TGFA: variants seen among roughly 807,000 people sequenced by gnomAD.
The protein encoded by TGFA is protransforming growth factor alpha.
Under a neutral mutation model 21.7 loss-of-function variants are expected in TGFA, and 12 were observed. The observed-to-expected ratio is 0.55, with a 90% CI of 0.35 to 0.90. The LOEUF (loss-of-function observed/expected upper bound fraction) is 0.90. Among genes scored for constraint, TGFA ranks in the 40% least tolerant of loss-of-function variants. The probability of loss-of-function intolerance (pLI) is 0.01; values close to 1 mark genes in which losing one functional copy is unlikely to be tolerated. For missense variants in TGFA, 178 were observed against 210.8 expected (o/e 0.84, Z 0.96); for synonymous variants, 79 against 88.1 (o/e 0.90, Z 0.58).
intron 2 of TGFA, among the ~76,000 whole-genome samples, chr2:70,472,037 C>G (rs368772815): frequency 3.3e-5 from 5 of 152,240 alleles, no homozygotes; most frequent in East Asian, 3.9e-4. Context: ...TCTCCCTTCA[C>G]TCTCCCTTTC....
chr2:70,512,694 C>T (rs1233133525), intron 2 of TGFA, among the ~76,000 whole-genome samples: 1 of 152,206 alleles, frequency 6.6e-6, no homozygotes, highest in Non-Finnish European at 1.5e-5. Flanking sequence ...TAGGGAACCC[C>T]AAAAGGCCTA....
In TGFA at chr2:70,553,162, C is replaced by T. The variant is rs1382230478; in HGVS notation, c.40+566G>A. 4 of 1,535,370 alleles carry T rather than the reference C, an allele frequency of 2.6e-6. No individual in the cohort carries two copies. The African/African-American group carries it at 4.1e-5, about 16-fold the overall frequency. The stretch of plus-strand genomic sequence containing the variant: ...AAGTTAATTAAAGGAACCATTAATC[C>T]GCCCAAAAATCCAAAACCTACCCCC... On this transcript the variant is annotated intron_variant, in intron 1 of 5. Coordinates refer to ENST00000295400, the MANE Select transcript of TGFA (RefSeq NM_003236.4).
rs782095962 is a variant in TGFA, at chr2:70,453,239, C to A, written c.454G>T (p.Ala152Ser). Residue 152 changes from alanine to serine, a missense_variant, in exon 5 of 6, where the codon GCT becomes TCT. Transcript: ENST00000295400. ...TTACCTGTTTCTGAGTGGCAGCAAGCGGTTCTTCCCTTCAGGAGGGCGCTG... is the reference window on the plus strand; with the variant it reads ...TTACCTGTTTCTGAGTGGCAGCAAGAGGTTCTTCCCTTCAGGAGGGCGCTG... ...KPSALLKGRT[A>S]CCHSETVV 6.2e-7 allele frequency: 1 copy of A among 1,613,826 alleles called. No individual in the cohort carries two copies. Among genetic ancestry groups the A allele is most frequent in the East Asian group, 2.2e-5 (1 of 44,882 alleles).
At chr2:70,551,501 G>A (rs1673507996) in intron 1 of TGFA, among the ~76,000 whole-genome samples, 1 of 152,184 alleles carries the variant, frequency 6.6e-6, no homozygotes, top group African/African-American at 2.4e-5. Flanking sequence ...CTCGGGTAGC[G>A]ATGGAACACT....
At chr2:70,508,880 C>T (rs1003088569) in intron 2 of TGFA, among the ~76,000 whole-genome samples, 2 of 152,278 alleles carry the variant, frequency 1.3e-5, no homozygotes, top group East Asian at 1.9e-4. Context: ...GTCAGAATTA[C>T]GATTCTGGAC....
Position 70,513,768 on chromosome 2 carries a change from C to T in TGFA, c.94+1091G>A, listed in dbSNP as rs556800209. On this transcript the variant is annotated intron_variant, in intron 2 of 5. Transcript: ENST00000295400. ...AGAATTTATGAATAGGTAAGAAACC[C>T]GCCCCCTCCCACTGGAACCTCTCTG... 9.2e-5 allele frequency among the ~76,000 whole-genome samples: 14 copies of T among 152,230 alleles called. No individual in the cohort carries two copies. The South Asian group carries it at 1.7e-3, about 18-fold the overall frequency.
intron 2 of TGFA, among the ~76,000 whole-genome samples, chr2:70,486,725 G>T (rs986009876): frequency 1.2e-4 from 18 of 152,010 alleles, no homozygotes; most frequent in East Asian, 1.9e-4. Flanking sequence ...GCCCCCTAAA[G>T]TGCTGGAATT....
At chr2:70,553,646 C>G in intron 1 of TGFA, 82 bp downstream of exon 1, 1 of 1,309,078 alleles carries the variant, frequency 7.6e-7, no homozygotes. Context: ...GGCGCAGAAA[C>G]CCCCGGAAAG....
At chr2:70,496,341 C>T (rs568178262) in intron 2 of TGFA, among the ~76,000 whole-genome samples, 2 of 152,262 alleles carry the variant, frequency 1.3e-5, no homozygotes, top group African/African-American at 2.4e-5. Flanking sequence ...TACCAGAACC[C>T]TTTCTTGTTA....
intron 2 of TGFA, among the ~76,000 whole-genome samples, chr2:70,471,111 C>G (rs1259502444): frequency 1.4e-5 from 2 of 139,728 alleles, no homozygotes; most frequent in South Asian, 2.3e-4. Context: ...CTCCCCGCAC[C>G]CCCCCCACCA....
chr2:70,553,133 AG>A, intron 1 of TGFA: 1 of 1,526,860 alleles, frequency 6.5e-7, no homozygotes, highest in Non-Finnish European at 8.8e-7. Flanking sequence ...CACTTCTCCC[AG>A]GGAAGTTAAT....
At chr2:70,548,062 A>G (rs1269413510) in intron 1 of TGFA, among the ~76,000 whole-genome samples, 1 of 152,034 alleles carries the variant, frequency 6.6e-6, no homozygotes, top group African/African-American at 2.4e-5. Context: ...ATTATAATCT[A>G]TTTTTTAAAA....
chr2:70,520,790 C>T (rs546704399), intron 1 of TGFA, among the ~76,000 whole-genome samples: 1 of 152,190 alleles, frequency 6.6e-6, no homozygotes, highest in East Asian at 1.9e-4. Flanking sequence ...TGCTTCCATG[C>T]CCAAACACTA....
chr2:70,489,182 G>A (rs7564908), intron 2 of TGFA, among the ~76,000 whole-genome samples: 2,048 of 152,262 alleles, frequency 0.013, 42 homozygotes, highest in African/African-American at 0.047. Flanking sequence ...AGGGTGCCTG[G>A]CTCTGTGCCA....
In TGFA at chr2:70,521,107, A is replaced by T. The variant is rs192315194; in HGVS notation, c.41-6195T>A. ...TTCTTGCCAACAGCTTAAAAAAAAA[A>T]ATCTTTGCTCCTACTACTAGACTGA... is the stretch of plus-strand genomic sequence containing the variant. On this transcript the variant is annotated intron_variant, in intron 1 of 5. Coordinates refer to ENST00000295400, the MANE Select transcript of TGFA (RefSeq NM_003236.4). 7.2e-5 allele frequency among the ~76,000 whole-genome samples: 11 copies of T among 152,104 alleles called. No individual in the cohort carries two copies. The East Asian group carries it at 2.1e-3, about 29-fold the overall frequency.
At chr2:70,541,048 A>C (rs62151581) in intron 1 of TGFA, among the ~76,000 whole-genome samples, 18,529 of 152,232 alleles carry the variant, frequency 0.12, 1,452 homozygotes, top group South Asian at 0.28. Context: ...TTCTGTTGTC[A>C]AAATATATTA....
chr2:70,474,873 T>G (rs1559108415), intron 2 of TGFA, among the ~76,000 whole-genome samples: 1 of 152,150 alleles, frequency 6.6e-6, no homozygotes, highest in Non-Finnish European at 1.5e-5. Flanking sequence ...GCATCAGATG[T>G]GATGGAACCA....
chr2:70,509,358 C>G (rs1219658146), intron 2 of TGFA, among the ~76,000 whole-genome samples: 2 of 152,184 alleles, frequency 1.3e-5, no homozygotes, highest in Admixed American at 6.5e-5. Flanking sequence ...ACAAGTAAAG[C>G]CTTCAAAGGC....
At chr2:70,485,721 A>G (rs1004739069) in intron 2 of TGFA, among the ~76,000 whole-genome samples, 2 of 152,150 alleles carry the variant, frequency 1.3e-5, no homozygotes, top group Non-Finnish European at 2.9e-5. Context: ...CTTTTGCCAA[A>G]CATGTACTTA....
Sources: gnomAD v4.1 joint callset for allele counts (sites outside exome capture counted in the v4.1 genomes callset) on GRCh38, gnomAD v4.1.1 for gene constraint, MANE v1.5 for transcripts, NCBI Gene and HGNC (gene_info 2026-07-23, HGNC 2026-07-21) for gene names.